Variants in MTA3 observed in about 807,000 individuals in gnomAD.
MTA3 encodes metastasis associated 1 family member 3.
MTA3 carries 34 observed loss-of-function variants against 83.5 expected under a neutral mutation model. That is an observed-to-expected ratio of 0.41 (90% CI 0.31 to 0.54). The LOEUF is 0.54. MTA3 is among the 20% of genes least tolerant of loss of function. The pLI, the probability that MTA3 is intolerant of heterozygous loss-of-function variation, is 0.33. For missense variants in MTA3, 761 were observed against 726.4 expected (o/e 1.05, Z -0.55); for synonymous variants, 303 against 252.7 (o/e 1.20, Z -1.89).
At chr2:42,744,507 G>A (rs148438494) in intron 16 of MTA3, among the ~76,000 whole-genome samples, 137 of 152,214 alleles carry the variant, frequency 9.0e-4, no homozygotes, top group African/African-American at 3.1e-3. Context: ...GCAGGTAAAC[G>A]ATCTTTTTAA....
At chr2:42,734,192 T>C (rs1668446195) in intron 16 of MTA3, among the ~76,000 whole-genome samples, 2 of 152,112 alleles carry the variant, frequency 1.3e-5, no homozygotes, top group South Asian at 4.1e-4. Context: ...AATATTTGCT[T>C]TATGTATCTG....
chr2:42,605,021 C>T (rs1463896340), intron 3 of MTA3, among the ~76,000 whole-genome samples: 1 of 150,796 alleles, frequency 6.6e-6, no homozygotes, highest in African/African-American at 2.4e-5. Flanking sequence ...ATTTCTCAAT[C>T]TTTTCCCCAC....
At chr2:42,686,860 T>G (rs1289634042) in intron 9 of MTA3, among the ~76,000 whole-genome samples, 1 of 149,460 alleles carries the variant, frequency 6.7e-6, no homozygotes, top group African/African-American at 2.5e-5. Context: ...GGCTCACACT[T>G]GTAATCCAAG....
At chr2:42,686,969 A>AG (rs57924553) in intron 9 of MTA3, among the ~76,000 whole-genome samples, 1 of 151,796 alleles carries the variant, frequency 6.6e-6, no homozygotes, top group African/African-American at 2.4e-5. Context: ...AAAAAAAAAA[A>AG]TACAAAAATT....
chr2:42,531,694 G>A (rs949574787), intron 2 of MTA3, among the ~76,000 whole-genome samples: 3 of 151,518 alleles, frequency 2.0e-5, no homozygotes, highest in Non-Finnish European at 4.4e-5. Flanking sequence ...CTTGTGATCT[G>A]TCCACATCAG....
chr2:42,641,438 C>G (rs746925283), intron 5 of MTA3, among the ~76,000 whole-genome samples: 8 of 152,100 alleles, frequency 5.3e-5, no homozygotes, highest in Non-Finnish European at 1.2e-4. Flanking sequence ...TGTCATTAGT[C>G]TGTCCCACAG....
intron 2 of MTA3, among the ~76,000 whole-genome samples, chr2:42,528,164 A>T (rs574819089): frequency 1.3e-5 from 2 of 151,886 alleles, no homozygotes; most frequent in East Asian, 1.9e-4. Flanking sequence ...TGACCTCGGG[A>T]TCTGCCCGCC....
intron 16 of MTA3, among the ~76,000 whole-genome samples, chr2:42,729,353 G>C (rs578239722): frequency 6.6e-6 from 1 of 151,790 alleles, no homozygotes; most frequent in South Asian, 2.1e-4. Flanking sequence ...CACCTGCCTC[G>C]GTCTCCCAAA....
chr2:42,552,349 T>C (rs1572969998), intron 2 of MTA3, among the ~76,000 whole-genome samples: 2 of 152,042 alleles, frequency 1.3e-5, no homozygotes, highest in East Asian at 3.8e-4. Flanking sequence ...TTAGATAAAT[T>C]AATGAATAAT....
chr2:42,535,070 G>A (rs533299590), intron 2 of MTA3, among the ~76,000 whole-genome samples: 1 of 152,004 alleles, frequency 6.6e-6, no homozygotes, highest in Non-Finnish European at 1.5e-5. Context: ...TCAAGCAGTA[G>A]AAAGGAGAAA....
At chr2:42,505,031 G>C (rs1278794821) in intron 2 of MTA3, among the ~76,000 whole-genome samples, 12 of 152,004 alleles carry the variant, frequency 7.9e-5, no homozygotes, top group Non-Finnish European at 4.4e-5. Context: ...GAGGCACCAT[G>C]CACTCTGCTG....
At chr2:42,744,342 C>T (rs1466880558) in intron 16 of MTA3, among the ~76,000 whole-genome samples, 1 of 152,192 alleles carries the variant, frequency 6.6e-6, no homozygotes, top group Admixed American at 6.5e-5. Flanking sequence ...CACAGCTTCT[C>T]CCAGAGAGTA....
At chr2:42,529,072 A>G (rs977299350) in intron 2 of MTA3, among the ~76,000 whole-genome samples, 2 of 152,168 alleles carry the variant, frequency 1.3e-5, no homozygotes, top group Admixed American at 6.5e-5. Context: ...GCAGAACTTA[A>G]AATATGTAGG....
intron 6 of MTA3, 120 bp downstream of exon 6, chr2:42,644,364 C>A (rs1201217298): frequency 1.7e-6 from 1 of 573,738 alleles, no homozygotes; most frequent in Non-Finnish European, 3.0e-6. Flanking sequence ...TAAGCACTTG[C>A]CATTTTACTG....
At chr2:42,746,069 C>A (rs1016172376) in intron 16 of MTA3, among the ~76,000 whole-genome samples, 3 of 152,176 alleles carry the variant, frequency 2.0e-5, no homozygotes, top group Non-Finnish European at 4.4e-5. Context: ...GCCTTGGCCT[C>A]CTAAAGTGCT....
chr2:42,531,204 A>G (rs1373852173), intron 2 of MTA3, among the ~76,000 whole-genome samples: 1 of 152,010 alleles, frequency 6.6e-6, no homozygotes, highest in Admixed American at 6.6e-5. Flanking sequence ...ACCTGCCAGC[A>G]CCTTTACCTT....
At chr2:42,650,432 G>T (rs903438142) in intron 6 of MTA3, among the ~76,000 whole-genome samples, 7 of 151,668 alleles carry the variant, frequency 4.6e-5, no homozygotes, top group South Asian at 2.1e-4. Context: ...TTTGTTTGGG[G>T]TTTTTTTGTT....
At chr2:42,609,677 C>G in intron 4 of MTA3, 93 bp downstream of exon 4, 1 of 1,350,888 alleles carries the variant, frequency 7.4e-7, no homozygotes, top group Non-Finnish European at 1.0e-6. Context: ...TTCTCAGGAT[C>G]TTGCTTAAAC....
At chr2:42,633,190 A>G (rs995838408) in intron 4 of MTA3, among the ~76,000 whole-genome samples, 9 of 151,716 alleles carry the variant, frequency 5.9e-5, no homozygotes, top group African/African-American at 2.2e-4. Context: ...TTGAACCTGG[A>G]AGGCAGAGGT....
Sources: allele counts gnomAD v4.1 joint callset (sites outside exome capture counted in the v4.1 genomes callset), GRCh38; gene constraint gnomAD v4.1.1; transcripts MANE v1.5; gene names NCBI Gene and HGNC (gene_info 2026-07-23, HGNC 2026-07-21).